Variants in RHPN2 observed in about 807,000 individuals in gnomAD.
The protein encoded by RHPN2 is rhophilin Rho GTPase binding protein 2.
In RHPN2, 40 loss-of-function variants were observed where a neutral mutation model predicts 79.0. The observed-to-expected ratio is 0.51, with a 90% CI of 0.39 to 0.66. The LOEUF (loss-of-function observed/expected upper bound fraction) is 0.66. Ranked by LOEUF, RHPN2 falls within the 30% of genes least tolerant of loss-of-function variation. The probability of loss-of-function intolerance (pLI) is 0.00; values close to 1 mark genes in which losing one functional copy is unlikely to be tolerated. For missense variants in RHPN2, 686 were observed against 883.5 expected (o/e 0.78, Z 2.83); for synonymous variants, 285 against 363.5 (o/e 0.78, Z 2.46).
At chr19:32,992,611 C>T (rs1265943492) in intron 12 of RHPN2, among the ~76,000 whole-genome samples, 1 of 152,104 alleles carries the variant, frequency 6.6e-6, no homozygotes, top group Non-Finnish European at 1.5e-5. Context: ...GGGTTTGAGA[C>T]CAGCCTAGGC....
intron 1 of RHPN2, among the ~76,000 whole-genome samples, chr19:33,047,682 G>A (rs1972152902): frequency 6.6e-6 from 1 of 152,166 alleles, no homozygotes; most frequent in African/African-American, 2.4e-5. Flanking sequence ...ACCCCAGGGA[G>A]GGAGATGTGA....
chr19:33,017,929 G>A (rs1214393249), intron 4 of RHPN2, among the ~76,000 whole-genome samples: 2 of 151,968 alleles, frequency 1.3e-5, no homozygotes. Context: ...CCTGAGGCAG[G>A]TGTATCATGA....
intron 1 of RHPN2, among the ~76,000 whole-genome samples, chr19:33,048,377 A>G (rs1263841501): frequency 6.6e-6 from 1 of 151,896 alleles, no homozygotes; most frequent in African/African-American, 2.4e-5. Context: ...TTTAAAATTA[A>G]TATCGTTTAA....
chr19:32,999,122 G>A (rs1971728048), intron 10 of RHPN2, among the ~76,000 whole-genome samples: 3 of 152,002 alleles, frequency 2.0e-5, no homozygotes, highest in South Asian at 2.1e-4. Context: ...GAGAAGCTGC[G>A]TATGTGTGCA....
intron 3 of RHPN2, among the ~76,000 whole-genome samples, chr19:33,022,734 C>T (rs1330037435): frequency 6.6e-6 from 1 of 152,202 alleles, no homozygotes; most frequent in African/African-American, 2.4e-5. Context: ...CAGGAGACCT[C>T]CTTGGGCTGC....
chr19:33,029,844 T>C (rs1971997256), intron 2 of RHPN2, among the ~76,000 whole-genome samples: 1 of 152,182 alleles, frequency 6.6e-6, no homozygotes, highest in African/African-American at 2.4e-5. Flanking sequence ...CCCAGGCTTC[T>C]AGGGGTCCTC....
At chr19:33,062,800 A>AATAAT (rs1555715668) in intron 1 of RHPN2, among the ~76,000 whole-genome samples, 109 of 136,142 alleles carry the variant, frequency 8.0e-4, no homozygotes, top group South Asian at 6.9e-3. Context: ...TAATAATAAT[A>AATAAT]ATAATTAATA....
intron 1 of RHPN2, among the ~76,000 whole-genome samples, chr19:33,046,520 G>A (rs986228506): frequency 6.6e-6 from 1 of 152,070 alleles, no homozygotes; most frequent in Non-Finnish European, 1.5e-5. Flanking sequence ...GCTTGGCTTG[G>A]CTTCCCAATA....
intron 1 of RHPN2, among the ~76,000 whole-genome samples, chr19:33,048,845 CT>C (rs1972164903): frequency 6.6e-6 from 1 of 151,706 alleles, no homozygotes; most frequent in Admixed American, 6.6e-5. Context: ...CAGTTTGACT[CT>C]GAATTACCTG....
chr19:33,002,502 C>T lies in RHPN2; in HGVS notation c.949-99G>A, dbSNP rs372635397. 22 of 1,464,092 alleles carry T rather than the reference C, an allele frequency of 1.5e-5. No homozygotes were observed. The African/African-American group carries it at 1.5e-4, about 10-fold the overall frequency. 90.7% of individuals were successfully genotyped at this position (1,464,092 alleles called of 1,614,324 possible). A position where few individuals can be genotyped will look rare whatever the true frequency, so the allele number is the denominator to read the frequency against. ...CCCTTTCTTCTTCCCATGCAACAGC[C>T]CCTGCCAGGGGCTGCTCCAGAATCT... On this transcript the variant is annotated intron_variant, in intron 8 of 14. Coordinates refer to ENST00000254260, the MANE Select transcript of RHPN2 (RefSeq NM_033103.5).
chr19:33,032,542 T>C (rs1317853673), intron 2 of RHPN2, among the ~76,000 whole-genome samples: 1 of 152,004 alleles, frequency 6.6e-6, no homozygotes, highest in Non-Finnish European at 1.5e-5. Context: ...CTTTTATCAC[T>C]CAGGAGCTCT....
chr19:33,055,037 T>TCAGCCTGGATC (rs1268852169), intron 1 of RHPN2, among the ~76,000 whole-genome samples: 2 of 152,134 alleles, frequency 1.3e-5, no homozygotes, highest in Non-Finnish European at 2.9e-5. Flanking sequence ...AAGGCCACAG[T>TCAGCCTGGATC]CAGCCTGGAT....
chr19:33,006,112 TC>T (rs1329844662), intron 7 of RHPN2, among the ~76,000 whole-genome samples: 3 of 152,012 alleles, frequency 2.0e-5, no homozygotes, highest in Non-Finnish European at 4.4e-5. Context: ...ATTCCTGGGC[TC>T]CAGCAATCCA....
At chr19:32,988,215 A>AAC (rs1462517427) in intron 14 of RHPN2, among the ~76,000 whole-genome samples, 319 of 136,786 alleles carry the variant, frequency 2.3e-3, no homozygotes, top group Middle Eastern at 7.9e-3. Context: ...ACAACAACAA[A>AAC]AAAAAAAACA....
chr19:33,015,537 T>C (rs1336151378), intron 4 of RHPN2, among the ~76,000 whole-genome samples: 1 of 152,058 alleles, frequency 6.6e-6, no homozygotes, highest in Non-Finnish European at 1.5e-5. Flanking sequence ...AGCCCACACA[T>C]TAAGAAAAAT....
chr19:33,060,089 C>T lies in RHPN2; in HGVS notation c.69+4695G>A, dbSNP rs562916313. On this transcript the variant is annotated intron_variant, in intron 1 of 14. Transcript: ENST00000254260. ...GCCATCAAGTCTACACACTAGCCTC[C>T]GCGTTCACCCGCATTCATGGATCTT... 3.9e-5 allele frequency among the ~76,000 whole-genome samples: 6 copies of T among 152,348 alleles called. No individual in the cohort carries two copies. The East Asian group carries it at 7.7e-4, about 20-fold the overall frequency.
At chr19:32,982,936 C>T (rs568174838) in intron 14 of RHPN2, among the ~76,000 whole-genome samples, 3 of 151,944 alleles carry the variant, frequency 2.0e-5, no homozygotes, top group Non-Finnish European at 2.9e-5. Context: ...AAGCCACTCA[C>T]GCACCCTCCT....
Position 33,025,877 on chromosome 19 carries a change from C to T in RHPN2, c.314+627G>A, listed in dbSNP as rs1448680918. Among the ~76,000 whole-genome samples, 7 of 152,132 alleles carry T rather than the reference C, an allele frequency of 4.6e-5. No individual in the cohort carries two copies. In the South Asian group the frequency reaches 8.3e-4, roughly 18 times the overall value. On this transcript the variant is annotated intron_variant, in intron 3 of 14. Coordinates refer to ENST00000254260, the MANE Select transcript of RHPN2 (RefSeq NM_033103.5). The stretch of plus-strand genomic sequence containing the variant: ...TTTGCGTGTCTATGAAATGTGACTA[C>T]GCGGAATTACTGAAAATTAACTATA...
intron 4 of RHPN2, among the ~76,000 whole-genome samples, chr19:33,016,911 C>G (rs1328454880): frequency 6.6e-6 from 1 of 152,198 alleles, no homozygotes; most frequent in Non-Finnish European, 1.5e-5. Context: ...TGTAGAGTCT[C>G]TTTTAGGCTA....
Sources: gnomAD v4.1 joint callset for allele counts (sites outside exome capture counted in the v4.1 genomes callset) on GRCh38, gnomAD v4.1.1 for gene constraint, MANE v1.5 for transcripts, NCBI Gene and HGNC (gene_info 2026-07-23, HGNC 2026-07-21) for gene names.